Variants in SLC25A21 observed in about 807,000 individuals in gnomAD.
SLC25A21 encodes the protein mitochondrial 2-oxodicarboxylate carrier.
In SLC25A21, 47 loss-of-function variants were observed where a neutral mutation model predicts 43.8. That is an observed-to-expected ratio of 1.07 (90% CI 0.85 to 1.37). SLC25A21 has a LOEUF of 1.37. SLC25A21 is among the 40% of genes most tolerant of loss of function. The probability of loss-of-function intolerance (pLI) is 0.00; values close to 1 mark genes in which losing one functional copy is unlikely to be tolerated. For synonymous variants in SLC25A21, 131 were observed against 121.3 expected, an observed-to-expected ratio of 1.08 and a Z score of -0.52; for missense variants, 352 against 350.2, an observed-to-expected ratio of 1.00 and a Z score of -0.04.
At chr14:37,121,492 T>C (rs548171384) in intron 1 of SLC25A21, among the ~76,000 whole-genome samples, 7 of 152,228 alleles carry the variant, frequency 4.6e-5, no homozygotes, top group Non-Finnish European at 1.0e-4. Flanking sequence ...TATTTTGTTT[T>C]AAGTGCAGAT....
At chr14:36,752,486 G>A (rs1415513775) in intron 3 of SLC25A21, among the ~76,000 whole-genome samples, 1 of 152,160 alleles carries the variant, frequency 6.6e-6, no homozygotes, top group Non-Finnish European at 1.5e-5. Flanking sequence ...GCCAAAAGGT[G>A]AAAACAACCC....
intron 3 of SLC25A21, among the ~76,000 whole-genome samples, chr14:36,799,148 C>G (rs1237501779): frequency 6.6e-6 from 1 of 152,156 alleles, no homozygotes; most frequent in Non-Finnish European, 1.5e-5. Context: ...TGCCCCATCA[C>G]TGGAGGAGAG....
At chr14:37,126,811 T>C (rs748074558) in intron 1 of SLC25A21, among the ~76,000 whole-genome samples, 45 of 152,198 alleles carry the variant, frequency 3.0e-4, no homozygotes, top group Admixed American at 5.2e-4. Context: ...TACAAGGACA[T>C]TTTAGTTTCC....
intron 1 of SLC25A21, among the ~76,000 whole-genome samples, chr14:36,942,014 G>A (rs1218400198): frequency 6.6e-6 from 1 of 151,672 alleles, no homozygotes; most frequent in African/African-American, 2.4e-5. Flanking sequence ...TAACAAAACT[G>A]GTAAAATTTT....
chr14:37,011,949 G>A (rs190037977), intron 1 of SLC25A21, among the ~76,000 whole-genome samples: 13 of 152,032 alleles, frequency 8.6e-5, no homozygotes, highest in African/African-American at 3.1e-4. Context: ...TTTCTTTTCT[G>A]CTCTACTTTT....
chr14:37,122,402 A>C (rs1352313779), intron 1 of SLC25A21, among the ~76,000 whole-genome samples: 1 of 152,190 alleles, frequency 6.6e-6, no homozygotes, highest in African/African-American at 2.4e-5. Context: ...CGTTCAAAAG[A>C]AAATAAGGAA....
chr14:36,958,679 G>GCGCGCA lies in SLC25A21; in HGVS notation c.71-83676_71-83675insTGCGCG, dbSNP rs1399246300. 2.6e-3 allele frequency among the ~76,000 whole-genome samples: 355 copies of GCGCGCA among 136,970 alleles called. 2 individuals carry two copies. The highest frequency in any genetic ancestry group is 0.017 in the East Asian group (71 of 4,264). The allele number at this position is 136,970 out of a possible 152,430, so 89.9% of individuals were successfully genotyped here. A position where few individuals can be genotyped will look rare whatever the true frequency, so the allele number is the denominator to read the frequency against. On this transcript the variant is annotated intron_variant, in intron 1 of 9. Transcript: ENST00000331299. ...TAGAGATGTACACATAAGCACACGT[G>GCGCGCA]CACACACACACACACACACACACAC... is the stretch of plus-strand genomic sequence containing the variant.
intron 1 of SLC25A21, among the ~76,000 whole-genome samples, chr14:36,971,831 T>C (rs1276349840): frequency 6.6e-6 from 1 of 152,168 alleles, no homozygotes; most frequent in East Asian, 1.9e-4. Context: ...TTTCCTACTT[T>C]CTTCCTCAAA....
chr14:36,701,918 C>A (rs982206199), intron 7 of SLC25A21, among the ~76,000 whole-genome samples: 1 of 152,066 alleles, frequency 6.6e-6, no homozygotes, highest in South Asian at 2.1e-4. Context: ...CCAGAGGGAG[C>A]ACACTGAGAT....
At chr14:36,979,188 T>C (rs1325292198) in intron 1 of SLC25A21, among the ~76,000 whole-genome samples, 1 of 152,216 alleles carries the variant, frequency 6.6e-6, no homozygotes, top group Non-Finnish European at 1.5e-5. Context: ...TCCTTTGAGC[T>C]ACTCAAACGA....
intron 3 of SLC25A21, among the ~76,000 whole-genome samples, chr14:36,775,712 T>A (rs1886795642): frequency 6.6e-6 from 1 of 152,212 alleles, no homozygotes; most frequent in African/African-American, 2.4e-5. Flanking sequence ...GCACTCACTC[T>A]ACTTTCTCCC....
chr14:36,740,630 A>ACCCCCCCCC, intron 3 of SLC25A21, among the ~76,000 whole-genome samples: 1 of 147,948 alleles, frequency 6.8e-6, no homozygotes, highest in Non-Finnish European at 1.5e-5. Context: ...CAACCCCCCC[A>ACCCCCCCCC]CCCCCATCTT....
chr14:36,922,148 A>T (rs1891998281), intron 1 of SLC25A21, among the ~76,000 whole-genome samples: 1 of 152,012 alleles, frequency 6.6e-6, no homozygotes, highest in African/African-American at 2.4e-5. Flanking sequence ...AAAAAAAAAA[A>T]AAAAATTGTA....
At chr14:36,748,864 C>T (rs1341046743) in intron 3 of SLC25A21, among the ~76,000 whole-genome samples, 2 of 152,204 alleles carry the variant, frequency 1.3e-5, no homozygotes, top group Non-Finnish European at 2.9e-5. Flanking sequence ...TCTCCCTCCA[C>T]AGACTTGCTC....
intron 1 of SLC25A21, among the ~76,000 whole-genome samples, chr14:36,962,966 G>T (rs1258435661): frequency 6.6e-6 from 1 of 152,144 alleles, no homozygotes; most frequent in Non-Finnish European, 1.5e-5. Flanking sequence ...TTTTCTTTTT[G>T]GTAGTGGGTT....
chr14:36,778,286 G>A (rs201325176), intron 3 of SLC25A21, among the ~76,000 whole-genome samples: 39 of 152,302 alleles, frequency 2.6e-4, no homozygotes, highest in Middle Eastern at 6.8e-3. Context: ...GGGATGGTGC[G>A]TAGAAAGGCA....
intron 1 of SLC25A21, chr14:37,171,900 A>C: frequency 4.3e-6 from 1 of 230,072 alleles, no homozygotes; most frequent in Non-Finnish European, 8.5e-6. Flanking sequence ...TTGAAGAAAG[A>C]CTCTACAATT....
intron 1 of SLC25A21, among the ~76,000 whole-genome samples, chr14:37,050,602 G>A (rs1961683042): frequency 6.6e-6 from 1 of 152,200 alleles, no homozygotes; most frequent in African/African-American, 2.4e-5. Context: ...AATGTCATGA[G>A]CCTTGGAAGT....
At chr14:37,081,547 T>C (rs2138838898) in intron 1 of SLC25A21, among the ~76,000 whole-genome samples, 1 of 152,300 alleles carries the variant, frequency 6.6e-6, no homozygotes, top group East Asian at 1.9e-4. Flanking sequence ...AACAGGAATT[T>C]CTGATTGGTT....
Sources: allele counts gnomAD v4.1 joint callset (sites outside exome capture counted in the v4.1 genomes callset), GRCh38; gene constraint gnomAD v4.1.1; transcripts MANE v1.5; gene names NCBI Gene and HGNC (gene_info 2026-07-23, HGNC 2026-07-21).